AKAP6: variants seen among roughly 807,000 people sequenced by gnomAD.
The protein encoded by AKAP6 is A-kinase anchoring protein 6.
AKAP6 carries 58 observed loss-of-function variants against 188.5 expected under a neutral mutation model. The observed-to-expected ratio is 0.31, with a 90% CI of 0.25 to 0.38. The LOEUF (loss-of-function observed/expected upper bound fraction) is 0.38, where lower values mean the gene tolerates loss of function less well. AKAP6 is among the 10% of genes least tolerant of loss of function. The pLI, the probability that AKAP6 is intolerant of heterozygous loss-of-function variation, is 1.00. For synonymous variants in AKAP6, 989 were observed against 998.6 expected (o/e 0.99, Z 0.18); for missense variants, 2,710 against 2,740.0 (o/e 0.99, Z 0.24).
chr14:32,721,552 A>G (rs147395078), intron 9 of AKAP6, among the ~76,000 whole-genome samples: 1,843 of 152,294 alleles, frequency 0.012, 22 homozygotes, highest in Non-Finnish European at 0.017. Flanking sequence ...ACGCCTCTCT[A>G]AAGTAGGATG....
At chr14:32,750,579 C>G (rs182621108) in intron 11 of AKAP6, among the ~76,000 whole-genome samples, 11 of 151,614 alleles carry the variant, frequency 7.3e-5, no homozygotes, top group African/African-American at 2.4e-4. Flanking sequence ...AGATTGTGCT[C>G]AATTATCTAA....
intron 7 of AKAP6, among the ~76,000 whole-genome samples, chr14:32,653,803 C>CACA: frequency 6.6e-6 from 1 of 152,280 alleles, no homozygotes; most frequent in South Asian, 2.1e-4. Flanking sequence ...GTTAGTAAAA[C>CACA]TAGGGCAAAT....
chr14:32,548,645 TGACA>T lies in AKAP6; in HGVS notation c.2346+1656_2346+1659del, dbSNP rs140156141. Among the ~76,000 whole-genome samples the T allele has an allele frequency of 5.6e-3, 854 of 151,872 alleles. 40 individuals are homozygous for T. In the East Asian group the frequency reaches 0.12, roughly 21 times the overall value. On this transcript the variant is annotated intron_variant, in intron 4 of 13. Transcript: ENST00000280979. ...AACAGACAGACACAGATAGACAGAC[TGACA>T]GACAGACAGGCAGAGACAGAGACAG... is the stretch of plus-strand genomic sequence containing the variant.
chr14:32,465,960 A>T (rs1220070689), intron 2 of AKAP6, among the ~76,000 whole-genome samples: 3 of 152,258 alleles, frequency 2.0e-5, no homozygotes, highest in Non-Finnish European at 4.4e-5. Context: ...TATGCAGCCA[A>T]CAAACATATG....
At chr14:32,654,581 T>A (rs1888371644) in intron 7 of AKAP6, among the ~76,000 whole-genome samples, 1 of 151,716 alleles carries the variant, frequency 6.6e-6, no homozygotes, top group South Asian at 2.1e-4. Context: ...GCCAGCTGGC[T>A]CAGGCCTGCA....
intron 9 of AKAP6, among the ~76,000 whole-genome samples, chr14:32,711,463 T>C (rs1891050759): frequency 6.6e-6 from 1 of 152,080 alleles, no homozygotes; most frequent in Admixed American, 6.6e-5. Context: ...CACACGGACC[T>C]TTTTATAAAA....
At chr14:32,467,212 G>GAA (rs71432058) in intron 2 of AKAP6, among the ~76,000 whole-genome samples, 3 of 102,940 alleles carry the variant, frequency 2.9e-5, no homozygotes, top group African/African-American at 6.8e-5. Flanking sequence ...AAGTTGGAAG[G>GAA]AAAAAAAAAC....
intron 12 of AKAP6, among the ~76,000 whole-genome samples, chr14:32,798,390 G>A (rs1486858363): frequency 2.0e-5 from 3 of 152,078 alleles, no homozygotes; most frequent in Non-Finnish European, 4.4e-5. Context: ...TACTGGGTAT[G>A]TTCCCAAATC....
At position 32,835,876 on chromosome 14, in the gene AKAP6, T is replaced by A. The variant is rs117618921; in HGVS notation, c.*6071T>A. On this transcript the variant is annotated 3_prime_UTR_variant, in exon 14 of 14. Transcript: ENST00000280979. ...CAGCCACATACCTTCTATATAACAA[T>A]GGCCCTTTAGTTTGAGAGTTGCCAC... 2 of 152,256 alleles carry A rather than the reference T, an allele frequency of 1.3e-5. No individual in the cohort carries two copies. The highest frequency in any genetic ancestry group is 4.8e-5 in the African/African-American group (2 of 41,470). The allele number at this position is 152,256 out of a possible 1,614,324, so 9.4% of individuals were successfully genotyped here.
intron 1 of AKAP6, among the ~76,000 whole-genome samples, chr14:32,424,547 A>T (rs1889965265): frequency 6.6e-6 from 1 of 152,048 alleles, no homozygotes; most frequent in South Asian, 2.1e-4. Flanking sequence ...CAGGTCTGTT[A>T]TATAGGAAAA....
intron 1 of AKAP6, among the ~76,000 whole-genome samples, chr14:32,419,664 C>A (rs1889774036): frequency 6.6e-6 from 1 of 152,104 alleles, no homozygotes; most frequent in African/African-American, 2.4e-5. Context: ...CTGTGGTTTT[C>A]ATCCTGAGAT....
chr14:32,829,995 T>C lies in AKAP6; in HGVS notation c.*190T>C, dbSNP rs987832301. 2.8e-5 allele frequency: 20 copies of C among 702,410 alleles called. No individual in the cohort carries two copies. The highest frequency in any genetic ancestry group is 1.2e-4 in the African/African-American group (7 of 57,238). The allele number at this position is 702,410 out of a possible 1,614,324, so 43.5% of individuals were successfully genotyped here. ...ATGTGTTTTCTCCACACAAGCCTTG[T>C]GATCTGAATGTGTGCGCTGGTTCTC... On this transcript the variant is annotated 3_prime_UTR_variant, in exon 14 of 14. Transcript: ENST00000280979.
At chr14:32,340,027 T>C (rs1432809577) in intron 1 of AKAP6, among the ~76,000 whole-genome samples, 1 of 151,760 alleles carries the variant, frequency 6.6e-6, no homozygotes, top group Non-Finnish European at 1.5e-5. Flanking sequence ...ATCCTATTTT[T>C]AGAATGCCTT....
At chr14:32,522,768 G>A (rs1594706384) in intron 2 of AKAP6, among the ~76,000 whole-genome samples, 1 of 152,130 alleles carries the variant, frequency 6.6e-6, no homozygotes, top group African/African-American at 2.4e-5. Flanking sequence ...CAACCGTTGT[G>A]GAAGACAGTG....
chr14:32,503,056 G>A (rs1417236361), intron 2 of AKAP6, among the ~76,000 whole-genome samples: 1 of 152,050 alleles, frequency 6.6e-6, no homozygotes, highest in Non-Finnish European at 1.5e-5. Flanking sequence ...CGTCCAACCA[G>A]GAATACTTAA....
intron 1 of AKAP6, chr14:32,385,024 C>A (rs1888483294): frequency 6.6e-6 from 1 of 151,840 alleles, no homozygotes; most frequent in Admixed American, 6.6e-5. Context: ...CTGCAAGGAG[C>A]AAATTTGAAA....
At chr14:32,418,753 T>C (rs188382263) in intron 1 of AKAP6, among the ~76,000 whole-genome samples, 4 of 152,340 alleles carry the variant, frequency 2.6e-5, no homozygotes, top group Admixed American at 2.6e-4. Flanking sequence ...TCATTGTTGC[T>C]ATTTATTTCA....
At chr14:32,738,921 A>G (rs2031554999) in intron 11 of AKAP6, among the ~76,000 whole-genome samples, 1 of 152,114 alleles carries the variant, frequency 6.6e-6, no homozygotes, top group Non-Finnish European at 1.5e-5. Flanking sequence ...TTACAAAACT[A>G]CTTACAAAAG....
rs147125559 is a variant in AKAP6 at position 32,823,439 on chromosome 14, C to T, written c.5626C>T (p.Arg1876Cys). ...SSHTHELGTK[R>C]ENKKTIFKVN... is the part of the protein sequence containing the mutation. Reference sequence around the variant, plus strand: ...TCATACCCATGAGTTAGGGACAAAGCGTGAAAATAAGAAAACTATTTTCAA... The same window carrying T: ...TCATACCCATGAGTTAGGGACAAAGTGTGAAAATAAGAAAACTATTTTCAA... The change falls in exon 13 of 14, where the codon CGT becomes TGT. Residue 1876 changes from arginine to cysteine, a missense_variant. Physicochemically the swap from Arg to Cys is radical, Grantham distance 180. Around this residue, in one of 2 missense-constraint regions of AKAP6, gnomAD observed 2,473 missense variants for 2,426.1 expected, o/e 1.02. Transcript: ENST00000280979. 6.1e-4 allele frequency: 984 copies of T among 1,613,026 alleles called. 1 individual carries two copies. Among genetic ancestry groups the T allele is most frequent in the Non-Finnish European group, 7.6e-4 (894 of 1,179,778 alleles).
Sources: gnomAD v4.1 joint callset for allele counts (sites outside exome capture counted in the v4.1 genomes callset) on GRCh38, gnomAD v4.1.1 for gene constraint, gnomAD v4.1.1 regional missense constraint, MANE v1.5 for transcripts, NCBI Gene and HGNC (gene_info 2026-07-23, HGNC 2026-07-21) for gene names.